The following CDH20 variants were observed in gnomAD, a reference collection of about 807,000 sequenced individuals.
The protein encoded by CDH20 is cadherin 20.
A neutral mutation model predicts 74.2 loss-of-function variants in CDH20; 29 were observed. The ratio of observed to expected loss-of-function variants is 0.39; its 90% CI spans 0.29 to 0.53. CDH20 has a LOEUF of 0.53. Among genes scored for constraint, CDH20 ranks in the 20% least tolerant of loss-of-function variants. CDH20 has a pLI of 0.69. For synonymous variants in CDH20, 469 were observed against 405.4 expected (o/e 1.16, Z -1.88); for missense variants, 988 against 1,048.3 (o/e 0.94, Z 0.79).
At chr18:61,432,830 A>C (rs944397625) in intron 1 of CDH20, among the ~76,000 whole-genome samples, 6 of 149,864 alleles carry the variant, frequency 4.0e-5, no homozygotes, top group Non-Finnish European at 8.9e-5. Context: ...TTCTTCCCTC[A>C]CCTCCTCCTA....
intron 1 of CDH20, among the ~76,000 whole-genome samples, chr18:61,461,457 G>A (rs1049457592): frequency 2.0e-5 from 3 of 152,070 alleles, no homozygotes; most frequent in African/African-American, 4.8e-5. Context: ...TGGCTCCTCC[G>A]GCTTCTCATG....
intron 1 of CDH20, among the ~76,000 whole-genome samples, chr18:61,348,261 T>C (rs1327878685): frequency 2.6e-5 from 4 of 152,226 alleles, no homozygotes; most frequent in African/African-American, 9.6e-5. Flanking sequence ...CTGTATTTCT[T>C]TTGAACTATC....
rs80343688 is a variant in CDH20, at chr18:61,353,223, T to C, written c.-153+19396T>C. Among the ~76,000 whole-genome samples, 1,027 of 152,302 alleles carry C rather than the reference T, an allele frequency of 6.7e-3. 15 individuals are homozygous for C. The highest frequency in any genetic ancestry group is 0.023 in the African/African-American group (969 of 41,560). On this transcript the variant is annotated intron_variant, in intron 1 of 11. Transcript: ENST00000262717. This position sits in a 1 kb window ranked among gnomAD's most constrained non-coding sequence, Gnocchi z 4.6. ...TCAGAGTTTTTAGCGTGGCATTAGT[T>C]TCTCCACCATCTACATCCAGATAAC...
chr18:61,545,066 C>T lies in CDH20; in HGVS notation c.1570C>T (p.Arg524Cys), dbSNP rs185626136. The change falls in exon 10 of 12, where the codon CGC becomes TGC. Residue 524 changes from arginine (R) to cysteine (C), a missense_variant. Physicochemically the swap from Arg to Cys is radical, Grantham distance 180. Around this residue, in one of 2 missense-constraint regions of CDH20, gnomAD observed 613 missense variants for 755.2 expected, o/e 0.81. Transcript: ENST00000262717. ...TVSAVDQDDPRNGQHFYYSLA... is the reference protein window; with the variant it reads ...TVSAVDQDDPCNGQHFYYSLA... ...GAGTGCGGTGGACCAAGATGACCCA[C>T]GCAATGGTCAGCATTTCTACTACAG... 4.1e-5 allele frequency: 66 copies of T among 1,613,896 alleles called. No individual in the cohort carries two copies. The highest frequency in any genetic ancestry group is 8.9e-5 in the East Asian group (4 of 44,862).
Position 61,490,528 on chromosome 18 carries a change from T to C in CDH20, c.-26T>C. 1 of 1,607,660 alleles carries C rather than the reference T, an allele frequency of 6.2e-7. No individual in the cohort carries two copies. Among genetic ancestry groups the C allele is most frequent in the African/African-American group, 1.3e-5 (1 of 74,926 alleles). Reference sequence around the variant, plus strand: ...AGTTCCAGTTGCTTATCATTCTCCTTCATTTTCTGAAAACCTGGCAATCCC... The same window carrying C: ...AGTTCCAGTTGCTTATCATTCTCCTCCATTTTCTGAAAACCTGGCAATCCC... On this transcript the variant is annotated 5_prime_UTR_variant, in exon 2 of 12. Coordinates refer to ENST00000262717, the MANE Select transcript of CDH20 (RefSeq NM_031891.4).
At position 61,554,576 on chromosome 18, in the gene CDH20, C is replaced by T; in HGVS notation, c.2287C>T (p.Leu763=). The T allele has an allele frequency of 6.2e-7, 1 of 1,609,482 alleles. No individual in the cohort carries two copies. The highest frequency in any genetic ancestry group is 1.1e-5 in the South Asian group (1 of 90,436). Residue 763 remains leucine (L), a synonymous_variant, in exon 12 of 12, where the codon CTG becomes TTG. Coordinates refer to ENST00000262717, the MANE Select transcript of CDH20 (RefSeq NM_031891.4). ...CTCTGTGGCGGGGTCGCTGAGCTCCCTGCAGTCGGCCACGTCGGACTCGGA... is the reference window on the plus strand; with the variant it reads ...CTCTGTGGCGGGGTCGCTGAGCTCCTTGCAGTCGGCCACGTCGGACTCGGA... ...DGSVAGSLSS[L]QSATSDSEQS... is the part of the protein sequence containing the mutation.
intron 1 of CDH20, among the ~76,000 whole-genome samples, chr18:61,468,169 C>T (rs1051590088): frequency 6.6e-6 from 1 of 152,200 alleles, no homozygotes; most frequent in African/African-American, 2.4e-5. Context: ...TAGGCCTCAA[C>T]TGTATCTGCA....
At chr18:61,341,442 C>T (rs1398645790) in intron 1 of CDH20, among the ~76,000 whole-genome samples, 4 of 151,766 alleles carry the variant, frequency 2.6e-5, no homozygotes, top group East Asian at 1.9e-4. Context: ...CGCCTAATGC[C>T]GTTCCATTGT....
chr18:61,354,588 G>A (rs192728054), intron 1 of CDH20, among the ~76,000 whole-genome samples: 7 of 151,984 alleles, frequency 4.6e-5, no homozygotes, highest in South Asian at 2.1e-4. Flanking sequence ...CAGACTGGGC[G>A]ACAGAGTGAA....
intron 1 of CDH20, among the ~76,000 whole-genome samples, chr18:61,487,792 G>A (rs945403162): frequency 2.0e-5 from 3 of 152,146 alleles, no homozygotes; most frequent in Non-Finnish European, 2.9e-5. Flanking sequence ...CATGCCTCAG[G>A]TAGGGGGATA....
At position 61,536,574 on chromosome 18, in the gene CDH20, C is replaced by A; in HGVS notation, c.1353C>A (p.Pro451=). ...CAGGTGCCCTAATGACAGCAAGACCCCTAGACCGGGAAGAATTTTCTTGGC... is the reference window on the plus strand; with the variant it reads ...CAGGTGCCCTAATGACAGCAAGACCACTAGACCGGGAAGAATTTTCTTGGC... ...ITTGALMTAR[P]LDREEFSWHN... Residue 451 remains proline, a synonymous_variant, in exon 8 of 12, where the codon CCC becomes CCA. Transcript: ENST00000262717. 1 of 1,613,850 alleles carries A rather than the reference C, an allele frequency of 6.2e-7. No homozygotes were observed. Among genetic ancestry groups the A allele is most frequent in the Non-Finnish European group, 8.5e-7 (1 of 1,179,778 alleles).
chr18:61,427,715 C>T (rs1043486535), intron 1 of CDH20, among the ~76,000 whole-genome samples: 6 of 152,310 alleles, frequency 3.9e-5, no homozygotes, highest in African/African-American at 1.4e-4. Flanking sequence ...AACTGATAAA[C>T]AGTTCACAGC....
In CDH20 at chr18:61,507,664, C is replaced by A. The variant is rs964991363; in HGVS notation, c.1017+104C>A. ...ATTGATATGCATTGCTTCAAATCAT[C>A]TGATAAAAGTGCTTTCCTATTATTT... On this transcript the variant is annotated intron_variant, in intron 6 of 11. Transcript: ENST00000262717. 3.3e-5 allele frequency: 23 copies of A among 705,342 alleles called. No individual in the cohort carries two copies. In the South Asian group the frequency reaches 6.9e-4, roughly 21 times the overall value. The allele number at this position is 705,342 out of a possible 1,614,324, so 43.7% of individuals were successfully genotyped here.
At chr18:61,492,940 T>C (rs977700228) in intron 2 of CDH20, among the ~76,000 whole-genome samples, 1 of 152,234 alleles carries the variant, frequency 6.6e-6, no homozygotes, top group African/African-American at 2.4e-5. Flanking sequence ...GAGTAAGGAT[T>C]AAATAAGCTA....
chr18:61,372,273 A>G (rs145462336), intron 1 of CDH20, among the ~76,000 whole-genome samples: 2,483 of 152,152 alleles, frequency 0.016, 32 homozygotes, highest in Non-Finnish European at 0.026. Context: ...ATTTTGTCCT[A>G]AATTTCATTT....
chr18:61,361,573 G>T lies in CDH20; in HGVS notation c.-153+27746G>T, dbSNP rs983581730. ...CATCTCTTTGCTCAGTCACTCACTG[G>T]ATAGTAATAGGACCAGAAGAATCAT... On this transcript the variant is annotated intron_variant, in intron 1 of 11. Coordinates refer to ENST00000262717, the MANE Select transcript of CDH20 (RefSeq NM_031891.4). 4.6e-5 allele frequency among the ~76,000 whole-genome samples: 7 copies of T among 152,098 alleles called. No homozygotes were observed. The South Asian group carries it at 1.5e-3, about 32-fold the overall frequency.
intron 1 of CDH20, among the ~76,000 whole-genome samples, chr18:61,437,697 A>G (rs1908884481): frequency 6.6e-6 from 1 of 152,140 alleles, no homozygotes; most frequent in Non-Finnish European, 1.5e-5. Context: ...CATTCACATT[A>G]CCTTAAGCAA....
At chr18:61,341,104 A>G (rs1274490057) in intron 1 of CDH20, among the ~76,000 whole-genome samples, 1 of 152,160 alleles carries the variant, frequency 6.6e-6, no homozygotes, top group African/African-American at 2.4e-5. Context: ...CCATCTCCGT[A>G]CCCACCTCCC....
intron 1 of CDH20, among the ~76,000 whole-genome samples, chr18:61,465,240 C>T (rs937202816): frequency 2.0e-5 from 3 of 152,152 alleles, no homozygotes; most frequent in Non-Finnish European, 2.9e-5. Flanking sequence ...TACACATATA[C>T]CCCTACAGCT....
Sources: gnomAD v4.1 joint callset for allele counts (sites outside exome capture counted in the v4.1 genomes callset) on GRCh38, gnomAD v4.1.1 for gene constraint, gnomAD v4.1.1 regional missense constraint, Gnocchi (gnomAD v3.1) non-coding constraint, MANE v1.5 for transcripts, NCBI Gene and HGNC (gene_info 2026-07-23, HGNC 2026-07-21) for gene names.